Variants in NCKAP5 observed in about 807,000 individuals in gnomAD.
NCKAP5 encodes nck-associated protein 5.
NCKAP5 carries 92 observed loss-of-function variants against 167.0 expected under a neutral mutation model. That is an observed-to-expected ratio of 0.55 (90% CI 0.47 to 0.66). The LOEUF (loss-of-function observed/expected upper bound fraction) is 0.66. NCKAP5 is among the 30% of genes least tolerant of loss of function. The pLI is 0.00. For missense variants in NCKAP5, 2,378 were observed against 2,315.0 expected (o/e 1.03, Z -0.56); for synonymous variants, 891 against 877.4 (o/e 1.02, Z -0.27).
At chr2:132,994,410 C>T (rs2077532535) in intron 6 of NCKAP5, among the ~76,000 whole-genome samples, 171 bp from the exon 7 acceptor site, 1 of 152,148 alleles carries the variant, frequency 6.6e-6, no homozygotes, top group South Asian at 2.1e-4. Flanking sequence ...CCTTTGCAAC[C>T]ATTCTTTGGG....
intron 11 of NCKAP5, among the ~76,000 whole-genome samples, chr2:132,801,563 G>A (rs531317256): frequency 6.6e-6 from 1 of 152,306 alleles, no homozygotes; most frequent in Non-Finnish European, 1.5e-5. Flanking sequence ...CTATACACAA[G>A]GGCAGGGGTT....
chr2:133,425,921 A>G (rs1689762665), intron 3 of NCKAP5, among the ~76,000 whole-genome samples: 3 of 152,306 alleles, frequency 2.0e-5, no homozygotes, highest in African/African-American at 7.2e-5. Context: ...AAGGCAAAAA[A>G]CACAAAAACT....
chr2:133,381,630 T>C (rs1686529781), intron 3 of NCKAP5: 1 of 152,226 alleles, frequency 6.6e-6, no homozygotes, highest in South Asian at 2.1e-4. Context: ...CAGGAGGAAA[T>C]ACTGATCTAA....
intron 3 of NCKAP5, among the ~76,000 whole-genome samples, chr2:133,499,056 GGA>G (rs1682242393): frequency 6.6e-6 from 1 of 152,176 alleles, no homozygotes; most frequent in African/African-American, 2.4e-5. Flanking sequence ...CTTTGCATGG[GGA>G]GTAGGTGGCT....
At chr2:133,373,305 C>T (rs1432675576) in intron 3 of NCKAP5, among the ~76,000 whole-genome samples, 2 of 152,214 alleles carry the variant, frequency 1.3e-5, no homozygotes, top group Middle Eastern at 3.4e-3. Flanking sequence ...GTGATCCACC[C>T]ACCTCGGCCT....
At chr2:132,910,227 C>A (rs1378923943) in intron 8 of NCKAP5, among the ~76,000 whole-genome samples, 1 of 152,086 alleles carries the variant, frequency 6.6e-6, no homozygotes. Context: ...TACCCATACC[C>A]TCAAGCATTT....
At chr2:132,695,948 T>A (rs984133679) in intron 19 of NCKAP5, among the ~76,000 whole-genome samples, 1 of 152,236 alleles carries the variant, frequency 6.6e-6, no homozygotes, top group Non-Finnish European at 1.5e-5. Flanking sequence ...GAAGATTAAA[T>A]GTGTTTCAGA....
Position 132,784,895 on chromosome 2 carries a change from G to A in NCKAP5, c.1916C>T (p.Pro639Leu), listed in dbSNP as rs761779929. The A allele has an allele frequency of 1.9e-6, 3 of 1,568,170 alleles. No individual in the cohort carries two copies. The highest frequency in any genetic ancestry group is 2.6e-6 in the Non-Finnish European group (3 of 1,158,418). ...GSPEEEEKQV[P>L]IPSETRPKTF... is the part of the protein sequence containing the mutation. ...CTTTGGCCTAGTCTCTGAAGGGATG[G>A]GCACTTGTTTTTCCTCCTCTTCAGG... Residue 639 changes from proline to leucine, a missense_variant, in exon 14 of 20, where the codon CCC becomes CTC. Coordinates refer to ENST00000409261, the MANE Select transcript of NCKAP5 (RefSeq NM_207363.3).
intron 15 of NCKAP5, among the ~76,000 whole-genome samples, chr2:132,774,226 G>T (rs1682350520): frequency 6.6e-6 from 1 of 152,158 alleles, no homozygotes; most frequent in African/African-American, 2.4e-5. Flanking sequence ...AATAATTAAT[G>T]AAATCAGTAA....
chr2:133,172,641 T>TC, intron 5 of NCKAP5, among the ~76,000 whole-genome samples: 1 of 109,630 alleles, frequency 9.1e-6, no homozygotes, highest in African/African-American at 3.5e-5. Context: ...TGGCTAATCG[T>TC]TTTTTTTTTG....
At chr2:132,955,805 C>T (rs553292429) in intron 8 of NCKAP5, among the ~76,000 whole-genome samples, 3 of 152,216 alleles carry the variant, frequency 2.0e-5, no homozygotes, top group Admixed American at 6.5e-5. Flanking sequence ...TTCTCCACAT[C>T]CTTGCCAGCA....
intron 16 of NCKAP5, among the ~76,000 whole-genome samples, chr2:132,762,968 C>T (rs1363714647): frequency 6.6e-6 from 1 of 152,186 alleles, no homozygotes; most frequent in Admixed American, 6.5e-5. Context: ...AGTCCTTTGG[C>T]AATCCTTAAA....
intron 3 of NCKAP5, among the ~76,000 whole-genome samples, chr2:133,386,583 G>A (rs1686984905): frequency 6.6e-6 from 1 of 152,206 alleles, no homozygotes; most frequent in South Asian, 2.1e-4. Flanking sequence ...GCAGAGCTGA[G>A]TTCAATTCTT....
intron 4 of NCKAP5, among the ~76,000 whole-genome samples, chr2:133,281,896 T>C (rs10185165): frequency 0.12 from 17,605 of 152,234 alleles, 1,142 homozygotes; most frequent in South Asian, 0.16. Flanking sequence ...AAGAGCATGT[T>C]GGGCAGTTGC....
intron 8 of NCKAP5, chr2:132,954,663 A>G (rs1346131624): frequency 8.8e-6 from 4 of 454,186 alleles, no homozygotes; most frequent in African/African-American, 6.0e-5. Flanking sequence ...ACTTAACTGT[A>G]TACAGTGATA....
intron 2 of NCKAP5, among the ~76,000 whole-genome samples, chr2:133,528,695 T>TGG (rs1450321833): frequency 1.3e-5 from 2 of 152,238 alleles, no homozygotes; most frequent in African/African-American, 2.4e-5. Context: ...AAGACAACTA[T>TGG]GGCTTAGGTT....
chr2:133,358,102 T>C (rs1247180292), intron 3 of NCKAP5, among the ~76,000 whole-genome samples: 1 of 152,234 alleles, frequency 6.6e-6, no homozygotes, highest in Non-Finnish European at 1.5e-5. Context: ...AATGGCCTTC[T>C]GCTATGGTCC....
Position 133,099,528 on chromosome 2 carries a change from C to G in NCKAP5, c.341+30450G>C, listed in dbSNP as rs75201456. 4.6e-4 allele frequency among the ~76,000 whole-genome samples: 70 copies of G among 152,318 alleles called. No homozygotes were observed. In the East Asian group the frequency reaches 0.013, roughly 29 times the overall value. ...GATATTTAAGTACATATTGGGGTCACTGCCACTAACTAGCTGTTGATCTCT... is the reference window on the plus strand; with the variant it reads ...GATATTTAAGTACATATTGGGGTCAGTGCCACTAACTAGCTGTTGATCTCT... On this transcript the variant is annotated intron_variant, in intron 6 of 19. Transcript: ENST00000409261.
chr2:132,892,987 T>TA (rs1378026929), intron 8 of NCKAP5, among the ~76,000 whole-genome samples: 1 of 65,726 alleles, frequency 1.5e-5, no homozygotes, highest in Non-Finnish European at 3.1e-5. Context: ...CTCTGATCTA[T>TA]AAAAAAGCTG....
Sources: gnomAD v4.1 joint callset for allele counts (sites outside exome capture counted in the v4.1 genomes callset) on GRCh38, gnomAD v4.1.1 for gene constraint, MANE v1.5 for transcripts, NCBI Gene and HGNC (gene_info 2026-07-23, HGNC 2026-07-21) for gene names.